The following GPR37 variants were observed in gnomAD, a reference collection of about 807,000 sequenced individuals.
The protein encoded by GPR37 is prosaposin receptor GPR37.
Under a neutral mutation model 43.6 loss-of-function variants are expected in GPR37, and 20 were observed. The observed-to-expected ratio is 0.46, with a 90% CI of 0.32 to 0.67. The LOEUF (loss-of-function observed/expected upper bound fraction) is 0.67, where lower values mean the gene tolerates loss of function less well. GPR37 is among the 30% of genes least tolerant of loss of function. The probability of loss-of-function intolerance (pLI) is 0.03; values close to 1 mark genes in which losing one functional copy is unlikely to be tolerated. For missense variants in GPR37, 724 were observed against 797.2 expected, an observed-to-expected ratio of 0.91 and a Z score of 1.11; for synonymous variants, 315 against 322.6, an observed-to-expected ratio of 0.98 and a Z score of 0.25.
intron 1 of GPR37, among the ~76,000 whole-genome samples, chr7:124,754,255 G>A (rs1793767434): frequency 6.6e-6 from 1 of 152,070 alleles, no homozygotes. Flanking sequence ...TTAAATCTCT[G>A]TTCATTCAAA....
intron 1 of GPR37, among the ~76,000 whole-genome samples, chr7:124,756,235 T>C (rs1793789173): frequency 6.6e-6 from 1 of 152,096 alleles, no homozygotes. Flanking sequence ...GGGGCTATTT[T>C]GACAGAAAAA....
intron 1 of GPR37, among the ~76,000 whole-genome samples, chr7:124,762,894 T>C (rs2116328262): frequency 6.6e-6 from 1 of 152,296 alleles, no homozygotes; most frequent in Admixed American, 6.5e-5. Context: ...CAGTTTCCCT[T>C]CTTCTGCTTC....
Position 124,746,321 on chromosome 7 carries a change from C to A in GPR37, c.*204G>T. On this transcript the variant is annotated 3_prime_UTR_variant, in exon 2 of 2. Coordinates refer to ENST00000303921, the MANE Select transcript of GPR37 (RefSeq NM_005302.5). ...GATAAAATAATCTAAAACTATTGGC[C>A]TTCTCATTCTTCTTAAATAACTAAA... The A allele has an allele frequency of 2.3e-6, 1 of 426,446 alleles. No homozygotes were observed. The highest frequency in any genetic ancestry group is 5.9e-4 in the Middle Eastern group (1 of 1,684). The allele number at this position is 426,446 out of a possible 1,614,324, so 26.4% of individuals were successfully genotyped here.
chr7:124,760,942 G>T (rs1439149177), intron 1 of GPR37, among the ~76,000 whole-genome samples: 2 of 152,100 alleles, frequency 1.3e-5, no homozygotes, highest in African/African-American at 4.8e-5. Flanking sequence ...CAGATCACAA[G>T]GTCAGGAGAT....
At chr7:124,759,402 A>G (rs1364855863) in intron 1 of GPR37, among the ~76,000 whole-genome samples, 1 of 152,086 alleles carries the variant, frequency 6.6e-6, no homozygotes, top group African/African-American at 2.4e-5. Context: ...TTAGATTCCT[A>G]AGTGAATGGT....
chr7:124,755,362 C>T (rs184089645), intron 1 of GPR37, among the ~76,000 whole-genome samples: 2 of 152,296 alleles, frequency 1.3e-5, no homozygotes, highest in East Asian at 1.9e-4. Flanking sequence ...GTCCTTACTG[C>T]CTCATTCTCC....
At chr7:124,761,452 T>C (rs1239009881) in intron 1 of GPR37, among the ~76,000 whole-genome samples, 1 of 152,212 alleles carries the variant, frequency 6.6e-6, no homozygotes, top group East Asian at 1.9e-4. Flanking sequence ...TATGGCTGCA[T>C]GGCCATCCCA....
In GPR37 at chr7:124,764,790, C is replaced by G; in HGVS notation, c.187G>C (p.Ala63Pro). The change falls in exon 1 of 2, where the codon GCA becomes CCA. Residue 63 changes from alanine to proline, a missense_variant. Physicochemically the swap from Ala to Pro is conservative, Grantham distance 27. Around this residue, in one of 2 missense-constraint regions of GPR37, gnomAD observed 382 missense variants for 355.4 expected, o/e 1.07. Transcript: ENST00000303921. This position sits in a 1 kb window ranked among gnomAD's most constrained non-coding sequence, Gnocchi z 5.4. ...GRDAWGPGNS[A>P]RDVLRARAPR... ...GCTCGGGCTCGCAGAACGTCTCTTG[C>G]AGAATTTCCCGGTCCCCAGGCGTCC... 6.2e-7 allele frequency: 1 copy of G among 1,613,458 alleles called. No individual in the cohort carries two copies. The highest frequency in any genetic ancestry group is 2.2e-5 in the East Asian group (1 of 44,852).
intron 1 of GPR37, among the ~76,000 whole-genome samples, chr7:124,748,595 C>A (rs1236576653): frequency 6.6e-6 from 1 of 151,982 alleles, no homozygotes; most frequent in Non-Finnish European, 1.5e-5. Context: ...TAGGTATGTA[C>A]ATCAAATTTA....
intron 1 of GPR37, among the ~76,000 whole-genome samples, chr7:124,754,074 T>C (rs1013829456): frequency 6.6e-6 from 1 of 152,120 alleles, no homozygotes; most frequent in Non-Finnish European, 1.5e-5. Context: ...TTAAAAAAAA[T>C]AATACAAACA....
chr7:124,757,072 G>C (rs963078942), intron 1 of GPR37, among the ~76,000 whole-genome samples: 1 of 152,152 alleles, frequency 6.6e-6, no homozygotes, highest in Non-Finnish European at 1.5e-5. Flanking sequence ...TTATGTGCTT[G>C]AGAGATTAAT....
At chr7:124,763,552 T>C (rs908877225) in intron 1 of GPR37, among the ~76,000 whole-genome samples, 7 of 147,340 alleles carry the variant, frequency 4.8e-5, no homozygotes, top group Admixed American at 3.5e-4. Context: ...TGGTAACTAG[T>C]ACACAAATGC....
intron 1 of GPR37, among the ~76,000 whole-genome samples, chr7:124,760,976 T>C (rs1445939248): frequency 6.6e-6 from 1 of 151,910 alleles, no homozygotes; most frequent in Non-Finnish European, 1.5e-5. Context: ...GCCAACATGG[T>C]GAAAGCCCAT....
At chr7:124,758,919 C>T (rs1793821833) in intron 1 of GPR37, among the ~76,000 whole-genome samples, 2 of 152,052 alleles carry the variant, frequency 1.3e-5, no homozygotes, top group Admixed American at 6.6e-5. Context: ...AAGAGAATCT[C>T]GATCATTCAA....
intron 1 of GPR37, among the ~76,000 whole-genome samples, chr7:124,763,125 C>A (rs1793869330): frequency 6.6e-6 from 1 of 152,134 alleles, no homozygotes; most frequent in Admixed American, 6.5e-5. Context: ...AGTTTGGAAA[C>A]TAGATGTGCC....
intron 1 of GPR37, among the ~76,000 whole-genome samples, chr7:124,755,441 A>T (rs964200930): frequency 6.6e-6 from 1 of 152,182 alleles, no homozygotes; most frequent in Non-Finnish European, 1.5e-5. Flanking sequence ...AAGACTATTT[A>T]AAAATCAACA....
intron 1 of GPR37, among the ~76,000 whole-genome samples, chr7:124,762,483 A>T (rs1485827454): frequency 5.1e-5 from 2 of 39,142 alleles, no homozygotes; most frequent in Non-Finnish European, 1.0e-4. Context: ...TTCTTCTGAT[A>T]AAAAAAAAAA....
Position 124,747,171 on chromosome 7 carries a change from A to G in GPR37, c.1196T>C (p.Val399Ala), listed in dbSNP as rs373099722. 1 of 1,614,008 alleles carries G rather than the reference A, an allele frequency of 6.2e-7. No homozygotes were observed. Among genetic ancestry groups the G allele is most frequent in the Non-Finnish European group, 8.5e-7 (1 of 1,179,908 alleles). The change falls in exon 2 of 2, where the codon GTT becomes GCT. Residue 399 changes from valine to alanine, a missense_variant. Val to Ala is a moderately conservative substitution (Grantham distance 64). Around this residue, in one of 2 missense-constraint regions of GPR37, gnomAD observed 342 missense variants for 441.8 expected, o/e 0.77. Transcript: ENST00000303921. ...ATCCTCCTTGCTCAGCTGGCGGAGAACAACTTCTGGAAGTGCTAACAATAG... is the reference window on the plus strand; with the variant it reads ...ATCCTCCTTGCTCAGCTGGCGGAGAGCAACTTCTGGAAGTGCTAACAATAG... ...GALLLALPEV[V>A]LRQLSKEDLG...
chr7:124,753,935 G>A (rs745815604), intron 1 of GPR37, among the ~76,000 whole-genome samples: 1 of 151,850 alleles, frequency 6.6e-6, no homozygotes, highest in African/African-American at 2.4e-5. Flanking sequence ...AAATTAACCC[G>A]GTCAGTAAGT....
Sources: gnomAD v4.1 joint callset for allele counts (sites outside exome capture counted in the v4.1 genomes callset) on GRCh38, gnomAD v4.1.1 for gene constraint, gnomAD v4.1.1 regional missense constraint, Gnocchi (gnomAD v3.1) non-coding constraint, MANE v1.5 for transcripts, NCBI Gene and HGNC (gene_info 2026-07-23, HGNC 2026-07-21) for gene names.